ATG10: variants seen among roughly 807,000 people sequenced by gnomAD.
ATG10 encodes autophagy related 10.
A neutral mutation model predicts 32.1 loss-of-function variants in ATG10; 30 were observed. The ratio of observed to expected loss-of-function variants is 0.94; its 90% CI spans 0.70 to 1.27. The LOEUF is 1.27. Ranked by LOEUF, ATG10 falls within the 50% of genes most tolerant of loss-of-function variation. The pLI is 0.00. For synonymous variants in ATG10, 87 were observed against 91.5 expected, an observed-to-expected ratio of 0.95 and a Z score of 0.28; for missense variants, 233 against 262.3, an observed-to-expected ratio of 0.89 and a Z score of 0.77.
rs60780834 is a variant in ATG10 at position 82,161,696 on chromosome 5, AACAC to A, written c.217-2669_217-2666del. On this transcript the variant is annotated intron_variant, in intron 3 of 7. Coordinates refer to ENST00000282185, the MANE Select transcript of ATG10 (RefSeq NM_031482.5). ...GCTCAATAGAGAAGATTAGAGAATA[AACAC>A]ACACACACACACACACACACACACA... Among the ~76,000 whole-genome samples, 656 of 129,716 alleles carry A rather than the reference AACAC, an allele frequency of 5.1e-3. 4 individuals are homozygous for A. The highest frequency in any genetic ancestry group is 0.012 in the Admixed American group (159 of 12,816). 85.1% of individuals were successfully genotyped at this position (129,716 alleles called of 152,430 possible).
chr5:82,027,280 C>T (rs1762621685), intron 2 of ATG10, among the ~76,000 whole-genome samples: 2 of 151,660 alleles, frequency 1.3e-5, no homozygotes, highest in Admixed American at 1.3e-4. Flanking sequence ...ATGCCTGTAG[C>T]CCTAGTTACT....
At chr5:82,163,075 C>A (rs1254611627) in intron 3 of ATG10, among the ~76,000 whole-genome samples, 2 of 151,488 alleles carry the variant, frequency 1.3e-5, no homozygotes, top group African/African-American at 4.9e-5. Context: ...ATTATAAATG[C>A]TAAGCAACCC....
chr5:82,035,641 C>T (rs890781259), intron 2 of ATG10, among the ~76,000 whole-genome samples: 4 of 151,034 alleles, frequency 2.6e-5, no homozygotes, highest in Non-Finnish European at 4.4e-5. Flanking sequence ...TTTTTATATG[C>T]GTATTGGTCA....
chr5:82,136,496 G>T (rs1435195651), intron 3 of ATG10, among the ~76,000 whole-genome samples: 2 of 152,082 alleles, frequency 1.3e-5, no homozygotes, highest in Non-Finnish European at 2.9e-5. Context: ...GCTTAGTTTG[G>T]CTGGATATGA....
chr5:82,031,741 A>G (rs1358798738), intron 2 of ATG10, among the ~76,000 whole-genome samples: 1 of 152,248 alleles, frequency 6.6e-6, no homozygotes, highest in Non-Finnish European at 1.5e-5. Flanking sequence ...GCTTTGAGTT[A>G]CACATAAAAG....
intron 4 of ATG10, among the ~76,000 whole-genome samples, chr5:82,175,707 C>T (rs1335176298): frequency 6.6e-6 from 1 of 152,154 alleles, no homozygotes; most frequent in Non-Finnish European, 1.5e-5. Context: ...GAACGCTGTG[C>T]CTCCCAGTGT....
At chr5:82,228,320 TTATAA>T (rs1746218660) in intron 5 of ATG10, among the ~76,000 whole-genome samples, 1 of 152,212 alleles carries the variant, frequency 6.6e-6, no homozygotes, top group Non-Finnish European at 1.5e-5. Flanking sequence ...TTATCAAATT[TTATAA>T]TATATTTATG....
At chr5:82,248,853 A>T (rs1168586417) in intron 5 of ATG10, among the ~76,000 whole-genome samples, 1 of 151,808 alleles carries the variant, frequency 6.6e-6, no homozygotes, top group African/African-American at 2.4e-5. Flanking sequence ...TTTATTAATA[A>T]ATTTAAACTT....
chr5:82,234,286 C>A (rs142473985), intron 5 of ATG10, among the ~76,000 whole-genome samples: 3 of 152,252 alleles, frequency 2.0e-5, no homozygotes, highest in Non-Finnish European at 4.4e-5. Flanking sequence ...TCAAAATAGT[C>A]CTTAAACTAA....
chr5:82,136,842 G>T (rs1185975960), intron 3 of ATG10, among the ~76,000 whole-genome samples: 3 of 152,074 alleles, frequency 2.0e-5, no homozygotes, highest in African/African-American at 7.2e-5. Context: ...TCAGTTTCAG[G>T]TACACCAATC....
chr5:81,993,349 T>TTC (rs1761528012), intron 2 of ATG10, among the ~76,000 whole-genome samples: 10 of 35,818 alleles, frequency 2.8e-4, no homozygotes, highest in Admixed American at 2.6e-3. Flanking sequence ...CTTTCTTTCT[T>TTC]TCTTTCTTTC....
At chr5:82,166,587 C>G (rs1743591499) in intron 4 of ATG10, among the ~76,000 whole-genome samples, 1 of 152,136 alleles carries the variant, frequency 6.6e-6, no homozygotes, top group Admixed American at 6.5e-5. Flanking sequence ...AACCTTTACT[C>G]TGGAGTCACA....
rs1163893331 is a variant in ATG10, at chr5:82,132,057, G to T, written c.217-32342G>T. 1.3e-5 allele frequency among the ~76,000 whole-genome samples: 2 copies of T among 152,074 alleles called. 1 individual carries two copies. Among genetic ancestry groups the T allele is most frequent in the East Asian group, 3.9e-4 (2 of 5,166 alleles). ...GAGAGCACCAAGCCATGAGGGATCT[G>T]TGCCCATGATCCAAATACCTACTAC... On this transcript the variant is annotated intron_variant, in intron 3 of 7. Transcript: ENST00000282185.
chr5:82,182,031 A>T (rs940695461), intron 5 of ATG10, among the ~76,000 whole-genome samples: 2 of 152,176 alleles, frequency 1.3e-5, no homozygotes, highest in Non-Finnish European at 2.9e-5. Context: ...TAATTGTTAT[A>T]GTGAGTGTTA....
intron 2 of ATG10, among the ~76,000 whole-genome samples, chr5:82,025,716 A>G (rs1762575491): frequency 6.6e-6 from 1 of 152,166 alleles, no homozygotes; most frequent in Non-Finnish European, 1.5e-5. Context: ...AGGACTTCCT[A>G]TGTAAACACC....
intron 3 of ATG10, among the ~76,000 whole-genome samples, chr5:82,162,166 C>A (rs770284763): frequency 1.3e-5 from 2 of 151,516 alleles, no homozygotes; most frequent in African/African-American, 4.9e-5. Context: ...TTATTATTTC[C>A]GATGTACAAA....
At chr5:82,084,165 A>T (rs1479164093) in intron 3 of ATG10, among the ~76,000 whole-genome samples, 1 of 152,198 alleles carries the variant, frequency 6.6e-6, no homozygotes, top group Non-Finnish European at 1.5e-5. Context: ...AAACCATGGC[A>T]CGAGAGCTAC....
intron 3 of ATG10, among the ~76,000 whole-genome samples, chr5:82,072,206 T>C (rs770987169): frequency 1.2e-4 from 18 of 152,312 alleles, no homozygotes; most frequent in African/African-American, 2.9e-4. Context: ...GAATCTGTAA[T>C]TTTCATGCTT....
At chr5:82,040,887 A>T (rs1042742620) in intron 2 of ATG10, among the ~76,000 whole-genome samples, 1 of 152,210 alleles carries the variant, frequency 6.6e-6, no homozygotes. Flanking sequence ...CATGTACACC[A>T]AACTCATTCC....
Sources: allele counts gnomAD v4.1 joint callset (sites outside exome capture counted in the v4.1 genomes callset), GRCh38; gene constraint gnomAD v4.1.1; transcripts MANE v1.5; gene names NCBI Gene and HGNC (gene_info 2026-07-23, HGNC 2026-07-21).